CNTN1: variants seen among roughly 807,000 people sequenced by gnomAD.
The protein encoded by CNTN1 is contactin-1.
A neutral mutation model predicts 126.4 loss-of-function variants in CNTN1; 38 were observed. That is an observed-to-expected ratio of 0.30 (90% CI 0.23 to 0.39). CNTN1 has a LOEUF of 0.39. CNTN1 is among the 10% of genes least tolerant of loss of function. CNTN1 has a pLI of 1.00. For synonymous variants in CNTN1, 413 were observed against 422.6 expected, an observed-to-expected ratio of 0.98 and a Z score of 0.28; for missense variants, 1,009 against 1,248.4, an observed-to-expected ratio of 0.81 and a Z score of 2.89.
intron 15 of CNTN1, among the ~76,000 whole-genome samples, chr12:40,964,681 C>T (rs1057280995): frequency 2.6e-5 from 4 of 151,888 alleles, no homozygotes; most frequent in African/African-American, 7.3e-5. Flanking sequence ...AGCCTAATGA[C>T]GTGGTTACCA....
chr12:41,013,541 A>C (rs563840273), intron 17 of CNTN1, among the ~76,000 whole-genome samples: 2 of 152,156 alleles, frequency 1.3e-5, no homozygotes, highest in African/African-American at 2.4e-5. Flanking sequence ...TACAAAAAAA[A>C]AAATAGCCAT....
chr12:41,000,359 A>G (rs1948325648), intron 17 of CNTN1, among the ~76,000 whole-genome samples: 1 of 152,174 alleles, frequency 6.6e-6, no homozygotes, highest in African/African-American at 2.4e-5. Context: ...TTGTTTGATT[A>G]TAGGACAACT....
intron 1 of CNTN1, among the ~76,000 whole-genome samples, chr12:40,907,219 G>A (rs960090197): frequency 1.3e-5 from 2 of 152,076 alleles, no homozygotes; most frequent in Non-Finnish European, 2.9e-5. Context: ...TCCTGTATAA[G>A]GCCCTGCCTA....
At chr12:40,808,347 A>G (rs889726573) in intron 1 of CNTN1, among the ~76,000 whole-genome samples, 16 of 152,184 alleles carry the variant, frequency 1.1e-4, no homozygotes, top group Non-Finnish European at 1.5e-4. Context: ...CCTAATGTGC[A>G]GCATTTGCTG....
At chr12:40,902,552 CA>C (rs1477412967) in intron 1 of CNTN1, among the ~76,000 whole-genome samples, 4 of 152,008 alleles carry the variant, frequency 2.6e-5, no homozygotes, top group Non-Finnish European at 5.9e-5. Context: ...GATAAAGGCA[CA>C]TTTTTTTGTA....
chr12:41,051,682 A>G (rs1217203044), intron 23 of CNTN1, among the ~76,000 whole-genome samples: 1 of 152,104 alleles, frequency 6.6e-6, no homozygotes, highest in East Asian at 1.9e-4. Context: ...GTAGGGGTGA[A>G]CCTATAGAAG....
At chr12:40,800,385 C>T (rs986071951) in intron 1 of CNTN1, among the ~76,000 whole-genome samples, 6 of 151,772 alleles carry the variant, frequency 4.0e-5, no homozygotes, top group Non-Finnish European at 8.8e-5. Context: ...GGTATTTCTT[C>T]GTAGTAGTGT....
chr12:40,967,671 C>T (rs1947356957), intron 15 of CNTN1, among the ~76,000 whole-genome samples: 2 of 151,946 alleles, frequency 1.3e-5, no homozygotes, highest in Non-Finnish European at 1.5e-5. Flanking sequence ...CCAAATTAGG[C>T]TACAATTATG....
intron 6 of CNTN1, among the ~76,000 whole-genome samples, chr12:40,925,591 GTATA>G (rs148857277): frequency 1.5e-5 from 2 of 135,952 alleles, no homozygotes; most frequent in African/African-American, 2.7e-5. Context: ...ATATATACAT[GTATA>G]TATATATATA....
intron 6 of CNTN1, among the ~76,000 whole-genome samples, chr12:40,927,139 C>A (rs1369416892): frequency 6.6e-6 from 1 of 151,986 alleles, no homozygotes; most frequent in Non-Finnish European, 1.5e-5. Context: ...CAAGAAGTGT[C>A]ATATATCTAC....
chr12:40,947,830 T>C (rs574937436), intron 14 of CNTN1, among the ~76,000 whole-genome samples: 58 of 139,132 alleles, frequency 4.2e-4, no homozygotes, highest in South Asian at 1.6e-3. Flanking sequence ...CACACACACA[T>C]ATGTATTACT....
intron 17 of CNTN1, among the ~76,000 whole-genome samples, chr12:41,003,133 A>G (rs1020486902): frequency 3.9e-5 from 6 of 152,158 alleles, no homozygotes; most frequent in Non-Finnish European, 7.3e-5. Flanking sequence ...TACCTAGTAT[A>G]TTGACAGTTT....
At chr12:40,941,209 G>T (rs1428242601) in intron 12 of CNTN1, among the ~76,000 whole-genome samples, 2 of 152,118 alleles carry the variant, frequency 1.3e-5, no homozygotes, top group Non-Finnish European at 2.9e-5. Context: ...TGATTAAAGA[G>T]TCTATAAATC....
chr12:40,901,745 A>G (rs4768318), intron 1 of CNTN1, among the ~76,000 whole-genome samples: 10,896 of 152,250 alleles, frequency 0.072, 595 homozygotes, highest in Admixed American at 0.17. Context: ...TACTGTTTGT[A>G]ATCATTTGCA....
At chr12:40,905,758 T>C (rs530007462) in intron 1 of CNTN1, among the ~76,000 whole-genome samples, 25 of 152,332 alleles carry the variant, frequency 1.6e-4, no homozygotes, top group African/African-American at 5.5e-4. Flanking sequence ...ATATAACTTG[T>C]CTTATTTTGT....
At chr12:40,798,414 A>C (rs1239062769) in intron 1 of CNTN1, among the ~76,000 whole-genome samples, 1 of 152,026 alleles carries the variant, frequency 6.6e-6, no homozygotes, top group Non-Finnish European at 1.5e-5. Flanking sequence ...AGACAAACAA[A>C]GCTGCACAAA....
chr12:40,733,063 C>G (rs1314774782), intron 1 of CNTN1, among the ~76,000 whole-genome samples: 1 of 151,978 alleles, frequency 6.6e-6, no homozygotes, highest in Non-Finnish European at 1.5e-5. Context: ...ATAAAAGAGA[C>G]ACAGTTCCTG....
In CNTN1 at chr12:41,013,783, C is replaced by T. The variant is rs573687018; in HGVS notation, c.2114-445C>T. On this transcript the variant is annotated intron_variant, in intron 17 of 23. Coordinates refer to ENST00000551295, the MANE Select transcript of CNTN1 (RefSeq NM_001843.4). ...GAATTGAAAGTGAGAGCATAAGAGA[C>T]GATATTAGATTTATAATATTTCTAG... Among the ~76,000 whole-genome samples the T allele has an allele frequency of 2.4e-4, 37 of 152,086 alleles. 1 individual carries two copies. The South Asian group carries it at 5.2e-3, about 21-fold the overall frequency.
chr12:41,050,291 T>G (rs1203311718), intron 23 of CNTN1, among the ~76,000 whole-genome samples: 1 of 152,210 alleles, frequency 6.6e-6, no homozygotes, highest in African/African-American at 2.4e-5. Flanking sequence ...AAGAACTACC[T>G]GAAACTGGGT....
Sources: gnomAD v4.1 joint callset for allele counts (sites outside exome capture counted in the v4.1 genomes callset) on GRCh38, gnomAD v4.1.1 for gene constraint, MANE v1.5 for transcripts, NCBI Gene and HGNC (gene_info 2026-07-23, HGNC 2026-07-21) for gene names.